The following COMMD10 variants were observed in gnomAD, a reference collection of about 807,000 sequenced individuals.
COMMD10 encodes the protein COMM domain containing 10.
In COMMD10, 33 loss-of-function variants were observed where a neutral mutation model predicts 28.9. The observed-to-expected ratio is 1.14, with a 90% CI of 0.87 to 1.53. The LOEUF is 1.53. COMMD10 is among the 40% of genes most tolerant of loss of function. The probability of loss-of-function intolerance (pLI) is 0.00; values close to 1 mark genes in which losing one functional copy is unlikely to be tolerated. For missense variants in COMMD10, 310 were observed against 233.4 expected, an observed-to-expected ratio of 1.33 and a Z score of -2.14; for synonymous variants, 110 against 81.7, an observed-to-expected ratio of 1.35 and a Z score of -1.87.
At chr5:116,086,274 G>T (rs932754209) in intron 1 of COMMD10, among the ~76,000 whole-genome samples, 7 of 152,172 alleles carry the variant, frequency 4.6e-5, no homozygotes, top group Non-Finnish European at 8.8e-5. Flanking sequence ...CTTTGGTTCT[G>T]ATCGCCAGTT....
chr5:116,096,511 G>A (rs7734295), intron 4 of COMMD10, among the ~76,000 whole-genome samples: 77,643 of 151,784 alleles, frequency 0.51, 22,119 homozygotes, highest in Non-Finnish European at 0.65. Flanking sequence ...GATTTCCTTT[G>A]AAGGCAGTCA....
intron 2 of COMMD10, among the ~76,000 whole-genome samples, chr5:116,090,593 T>A (rs1440826824): frequency 6.6e-6 from 1 of 152,320 alleles, no homozygotes; most frequent in South Asian, 2.1e-4. Context: ...AGAGGTCAGC[T>A]CTCTGGGTTC....
At chr5:116,260,212 T>C (rs1198015394) in intron 5 of COMMD10, among the ~76,000 whole-genome samples, 1 of 151,866 alleles carries the variant, frequency 6.6e-6, no homozygotes, top group Non-Finnish European at 1.5e-5. Flanking sequence ...CAATGGAGAC[T>C]TATCAACATA....
intron 5 of COMMD10, among the ~76,000 whole-genome samples, chr5:116,207,709 A>G (rs1228096806): frequency 6.6e-6 from 1 of 152,064 alleles, no homozygotes; most frequent in Non-Finnish European, 1.5e-5. Flanking sequence ...TGTTTTTAGT[A>G]GAGATGAGGT....
intron 4 of COMMD10, among the ~76,000 whole-genome samples, chr5:116,116,466 G>C: frequency 6.6e-6 from 1 of 152,172 alleles, no homozygotes; most frequent in East Asian, 1.9e-4. Context: ...GCTTCTTCAA[G>C]ATTTAAATGC....
intron 5 of COMMD10, among the ~76,000 whole-genome samples, chr5:116,146,012 G>C (rs1176524887): frequency 2.0e-5 from 3 of 151,842 alleles, no homozygotes; most frequent in Non-Finnish European, 4.4e-5. Context: ...GAGGTTTATA[G>C]AGGAGCCTCA....
Position 116,092,600 on chromosome 5 carries a change from A to C in COMMD10, c.299A>C (p.His100Pro). 1 of 1,612,114 alleles carries C rather than the reference A, an allele frequency of 6.2e-7. No individual in the cohort carries two copies. The highest frequency in any genetic ancestry group is 8.5e-7 in the Non-Finnish European group (1 of 1,179,032). ...TTGCAGCAGCAATTAGAGAACATTC[A>C]TCTTAGACAAGACAAAGCTGAAGCA... Reference protein sequence around the residue: ...AALQQQLENIHLRQDKAEAFV... With the variant: ...AALQQQLENIPLRQDKAEAFV... The change falls in exon 4 of 7, where the codon CAT becomes CCT. Residue 100 changes from histidine (H) to proline (P), a missense_variant. His to Pro is a moderately conservative substitution (Grantham distance 77). Coordinates refer to ENST00000274458, the MANE Select transcript of COMMD10 (RefSeq NM_016144.4).
chr5:116,174,856 ACTTC>A (rs1753450275), intron 5 of COMMD10, among the ~76,000 whole-genome samples: 1 of 152,142 alleles, frequency 6.6e-6, no homozygotes, highest in Middle Eastern at 3.2e-3. Context: ...TCCTATTTTA[ACTTC>A]TCTATAAAGA....
At chr5:116,120,023 A>T (rs1751372834) in intron 4 of COMMD10, among the ~76,000 whole-genome samples, 1 of 152,158 alleles carries the variant, frequency 6.6e-6, no homozygotes, top group Non-Finnish European at 1.5e-5. Context: ...TATTTCCATG[A>T]GATCACCATG....
At position 116,240,278 on chromosome 5, in the gene COMMD10, T is replaced by A. The variant is rs111694874; in HGVS notation, c.511-51239T>A. Among the ~76,000 whole-genome samples the A allele has an allele frequency of 2.1e-3, 318 of 149,728 alleles. 3 individuals are homozygous for A. Among genetic ancestry groups the A allele is most frequent in the African/African-American group, 7.4e-3 (300 of 40,694 alleles). ...AAAATATGGGAAGAGAAAGGTAAGG[T>A]GAGATGAGGAGGGCAAAAGAAACAG... On this transcript the variant is annotated intron_variant, in intron 5 of 6. Coordinates refer to ENST00000274458, the MANE Select transcript of COMMD10 (RefSeq NM_016144.4).
intron 5 of COMMD10, among the ~76,000 whole-genome samples, chr5:116,177,298 T>TCTC (rs1753547704): frequency 6.6e-6 from 1 of 151,646 alleles, no homozygotes; most frequent in Non-Finnish European, 1.5e-5. Context: ...GACAGCTTTC[T>TCTC]CTCTCATCTT....
chr5:116,141,827 C>T (rs1752205398), intron 5 of COMMD10, among the ~76,000 whole-genome samples: 1 of 151,774 alleles, frequency 6.6e-6, no homozygotes, highest in Non-Finnish European at 1.5e-5. Flanking sequence ...GTGTATGCTA[C>T]TTTACTGAAT....
At chr5:116,141,780 A>G (rs2112782387) in intron 5 of COMMD10, among the ~76,000 whole-genome samples, 1 of 151,968 alleles carries the variant, frequency 6.6e-6, no homozygotes, top group Admixed American at 6.6e-5. Flanking sequence ...ATTTTTGTGA[A>G]GAAATGCATC....
In COMMD10 at chr5:116,087,507, G is replaced by A; in HGVS notation, c.52G>A (p.Ala18Thr). 2 of 1,606,306 alleles carry A rather than the reference G, an allele frequency of 1.2e-6. No individual in the cohort carries two copies. Among genetic ancestry groups the A allele is most frequent in the Non-Finnish European group, 1.7e-6 (2 of 1,172,788 alleles). The change falls in exon 2 of 7, where the codon GCA becomes ACA. Residue 18 changes from alanine (A) to threonine (T), a missense_variant. Ala to Thr is a moderately conservative substitution (Grantham distance 58). Transcript: ENST00000274458. ...ILRESPSMKK[A>T]VSLINAIDTG... ...TATAATTTTGTTTAGCATGAAGAAA[G>A]CAGTGTCACTGATAAATGCAATAGA...
At chr5:116,120,905 A>T (rs1191038602) in intron 4 of COMMD10, among the ~76,000 whole-genome samples, 1 of 151,782 alleles carries the variant, frequency 6.6e-6, no homozygotes, top group Non-Finnish European at 1.5e-5. Context: ...ATTTATGTAT[A>T]TGTTTTGTAT....
intron 5 of COMMD10, among the ~76,000 whole-genome samples, chr5:116,202,438 C>G (rs1748694681): frequency 6.6e-6 from 1 of 151,976 alleles, no homozygotes; most frequent in African/African-American, 2.4e-5. Context: ...ATTTCTAGTT[C>G]TAGATCCCTG....
chr5:116,112,381 A>C (rs539749046), intron 4 of COMMD10, among the ~76,000 whole-genome samples: 1 of 152,010 alleles, frequency 6.6e-6, no homozygotes, highest in Non-Finnish European at 1.5e-5. Flanking sequence ...GGTTTCTTGT[A>C]AATAGCATAT....
chr5:116,290,105 C>G (rs1421177462), intron 5 of COMMD10, among the ~76,000 whole-genome samples: 2 of 151,912 alleles, frequency 1.3e-5, no homozygotes, highest in African/African-American at 4.9e-5. Context: ...AGCCTTCATT[C>G]TCTCCTATCT....
At chr5:116,139,363 A>G (rs1050480614) in intron 5 of COMMD10, among the ~76,000 whole-genome samples, 9 of 84,508 alleles carry the variant, frequency 1.1e-4, no homozygotes, top group Non-Finnish European at 2.3e-4. Flanking sequence ...TAAGGGCTAC[A>G]TGACATCAAT....
Sources: gnomAD v4.1 joint callset for allele counts (sites outside exome capture counted in the v4.1 genomes callset) on GRCh38, gnomAD v4.1.1 for gene constraint, MANE v1.5 for transcripts, NCBI Gene and HGNC (gene_info 2026-07-23, HGNC 2026-07-21) for gene names.